APBB2: variants seen among roughly 807,000 people sequenced by gnomAD.
APBB2 encodes amyloid beta precursor protein binding family B member 2.
APBB2 carries 38 observed loss-of-function variants against 82.5 expected under a neutral mutation model. The ratio of observed to expected loss-of-function variants is 0.46; its 90% confidence interval spans 0.36 to 0.60. The LOEUF is 0.60. Among genes scored for constraint, APBB2 ranks in the 20% least tolerant of loss-of-function variants. The pLI is 0.00. For synonymous variants in APBB2, 341 were observed against 368.2 expected (o/e 0.93, Z 0.85); for missense variants, 772 against 972.3 (o/e 0.79, Z 2.74).
chr4:40,869,561 C>T (rs1297905866), intron 12 of APBB2, among the ~76,000 whole-genome samples: 2 of 151,864 alleles, frequency 1.3e-5, no homozygotes, highest in South Asian at 4.2e-4. Context: ...GTACTCCAGC[C>T]TGGGTGAAGG....
intron 5 of APBB2, among the ~76,000 whole-genome samples, chr4:41,018,048 A>G (rs985797991): frequency 6.6e-6 from 1 of 152,228 alleles, no homozygotes; most frequent in Non-Finnish European, 1.5e-5. Flanking sequence ...TTATAATAGT[A>G]TCTACACCTC....
intron 5 of APBB2, among the ~76,000 whole-genome samples, chr4:41,026,510 T>A (rs907066339): frequency 1.3e-5 from 2 of 152,166 alleles, no homozygotes; most frequent in African/African-American, 4.8e-5. Flanking sequence ...CGTCCCTCCC[T>A]CCAACCCCTG....
chr4:41,193,665 T>C, intron 1 of APBB2: 3 of 580,456 alleles, frequency 5.2e-6, no homozygotes, highest in Non-Finnish European at 4.4e-6. Flanking sequence ...CCCAGTTGGA[T>C]ACAGAACCAC....
intron 10 of APBB2, among the ~76,000 whole-genome samples, chr4:40,927,199 G>A (rs1462252912): frequency 1.3e-5 from 2 of 152,056 alleles, no homozygotes; most frequent in Admixed American, 6.5e-5. Flanking sequence ...TTCCTTACCC[G>A]TTTCCTTAAT....
intron 1 of APBB2, among the ~76,000 whole-genome samples, chr4:41,143,480 A>C (rs932185641): frequency 1.3e-5 from 2 of 152,222 alleles, no homozygotes; most frequent in Non-Finnish European, 2.9e-5. Context: ...AAACCACAGG[A>C]ATGTTCTGGC....
chr4:40,949,411 T>A (rs1481320247), intron 6 of APBB2, among the ~76,000 whole-genome samples: 2 of 152,124 alleles, frequency 1.3e-5, no homozygotes, highest in Admixed American at 6.5e-5. Context: ...AAAACAAGCG[T>A]CAGTTTTTCT....
intron 12 of APBB2, among the ~76,000 whole-genome samples, chr4:40,839,340 T>C (rs926575345): frequency 5.3e-5 from 8 of 152,180 alleles, no homozygotes; most frequent in Non-Finnish European, 8.8e-5. Flanking sequence ...ACAGAACAAG[T>C]TGACCTTGTC....
intron 10 of APBB2, among the ~76,000 whole-genome samples, chr4:40,897,734 T>C (rs901987690): frequency 1.3e-5 from 2 of 152,180 alleles, no homozygotes; most frequent in Non-Finnish European, 2.9e-5. Flanking sequence ...GCTTGGCTTC[T>C]TCCCAAAGAA....
intron 4 of APBB2, among the ~76,000 whole-genome samples, chr4:41,049,598 C>A (rs1470224205): frequency 6.6e-6 from 1 of 151,944 alleles, no homozygotes; most frequent in Non-Finnish European, 1.5e-5. Context: ...AAGTGAGGAG[C>A]CCCTCTGCCC....
chr4:40,877,326 G>A (rs1019107513), intron 12 of APBB2, among the ~76,000 whole-genome samples: 6 of 152,154 alleles, frequency 3.9e-5, no homozygotes, highest in African/African-American at 4.8e-5. Context: ...TTACACCCTC[G>A]TGGCACGTGG....
At chr4:41,124,403 A>G (rs1186549903) in intron 2 of APBB2, among the ~76,000 whole-genome samples, 1 of 152,068 alleles carries the variant, frequency 6.6e-6, no homozygotes, top group Non-Finnish European at 1.5e-5. Context: ...TATTTTTAGT[A>G]GAGACCGTGT....
At chr4:40,902,330 A>G (rs1252538104) in intron 10 of APBB2, among the ~76,000 whole-genome samples, 1 of 152,200 alleles carries the variant, frequency 6.6e-6, no homozygotes, top group East Asian at 1.9e-4. Context: ...TAGCATCACA[A>G]TCCTCTTTTG....
rs537200677 is a variant in APBB2, at chr4:41,188,567, C to T, written c.-417+25838G>A. 3.9e-5 allele frequency among the ~76,000 whole-genome samples: 6 copies of T among 152,328 alleles called. No individual in the cohort carries two copies. In the South Asian group the frequency reaches 1.2e-3, roughly 32 times the overall value. On this transcript the variant is annotated intron_variant, in intron 1 of 17. Transcript: ENST00000508593. ...AGATGGCCATCTATGAGCCAGAAAG[C>T]AGGACCCTAATCTGCCAGCACCTTC... is the stretch of plus-strand genomic sequence containing the variant.
chr4:41,053,775 T>C (rs987002025), intron 4 of APBB2, among the ~76,000 whole-genome samples: 2 of 151,704 alleles, frequency 1.3e-5, no homozygotes, highest in African/African-American at 2.4e-5. Flanking sequence ...CACAGAGGAG[T>C]TCATTTATTT....
At chr4:41,004,615 T>A (rs1806173854) in intron 6 of APBB2, among the ~76,000 whole-genome samples, 1 of 151,472 alleles carries the variant, frequency 6.6e-6, no homozygotes, top group African/African-American at 2.4e-5. Context: ...GGCGGGTGGA[T>A]CATGAGGTCA....
At chr4:40,821,598 T>A (rs1240615630) in intron 17 of APBB2, among the ~76,000 whole-genome samples, 1 of 152,170 alleles carries the variant, frequency 6.6e-6, no homozygotes, top group Non-Finnish European at 1.5e-5. Flanking sequence ...TGAAATTGAT[T>A]TGGGATCAAG....
intron 2 of APBB2, among the ~76,000 whole-genome samples, chr4:41,107,813 AC>A (rs1747795406): frequency 6.6e-6 from 1 of 152,218 alleles, no homozygotes. Context: ...CTTTCAAGAC[AC>A]CAATGCCATG....
intron 16 of APBB2, among the ~76,000 whole-genome samples, chr4:40,823,195 C>G (rs567976668): frequency 1.3e-5 from 2 of 152,290 alleles, no homozygotes; most frequent in African/African-American, 4.8e-5. Context: ...TCTTCAACCA[C>G]GAAACTGAGA....
intron 10 of APBB2, among the ~76,000 whole-genome samples, chr4:40,928,754 G>A (rs924098862): frequency 1.3e-5 from 2 of 150,454 alleles, no homozygotes; most frequent in Admixed American, 6.7e-5. Context: ...GTGTGGTGGT[G>A]TACACCTCTA....
Sources: gnomAD v4.1 joint callset for allele counts (sites outside exome capture counted in the v4.1 genomes callset) on GRCh38, gnomAD v4.1.1 for gene constraint, MANE v1.5 for transcripts, NCBI Gene and HGNC (gene_info 2026-07-23, HGNC 2026-07-21) for gene names.